The following MICAL2 variants were observed in gnomAD, a reference collection of about 807,000 sequenced individuals.
MICAL2 encodes the protein microtubule associated monooxygenase, calponin and LIM domain containing 2, also known as [F-actin]-monooxygenase MICAL2.
Under a neutral mutation model 127.3 loss-of-function variants are expected in MICAL2, and 77 were observed. That is an observed-to-expected ratio of 0.60 (90% CI 0.50 to 0.73). The LOEUF is 0.73. Among genes scored for constraint, MICAL2 ranks in the 30% least tolerant of loss-of-function variants. MICAL2 has a pLI of 0.00. For missense variants in MICAL2, 1,351 were observed against 1,434.4 expected, an observed-to-expected ratio of 0.94 and a Z score of 0.94; for synonymous variants, 570 against 551.1, an observed-to-expected ratio of 1.03 and a Z score of -0.48.
chr11:12,263,061 G>A (rs1863347345), intron 27 of MICAL2: 1 of 155,492 alleles, frequency 6.4e-6, no homozygotes, highest in Non-Finnish European at 1.4e-5. Context: ...CTCATCCCAA[G>A]CTTGACACAT....
chr11:12,170,933 GGA>G (rs1856173457), intron 3 of MICAL2, among the ~76,000 whole-genome samples: 2 of 152,218 alleles, frequency 1.3e-5, no homozygotes, highest in African/African-American at 4.8e-5. Flanking sequence ...CAGGGATAGA[GGA>G]GCGAACTCTG....
At chr11:12,183,790 T>A (rs905312826) in intron 3 of MICAL2, among the ~76,000 whole-genome samples, 2 of 152,170 alleles carry the variant, frequency 1.3e-5, no homozygotes, top group East Asian at 1.9e-4. Context: ...GACTTTTTTT[T>A]ATTTTTTTGA....
At chr11:12,304,757 T>C (rs987227488) in intron 29 of MICAL2, among the ~76,000 whole-genome samples, 13 of 152,116 alleles carry the variant, frequency 8.5e-5, no homozygotes, top group African/African-American at 3.1e-4. Flanking sequence ...GCAGTCTGTT[T>C]TGGGTCCTTC....
chr11:12,356,941 A>G (rs746163466), intron 34 of MICAL2, among the ~76,000 whole-genome samples: 3 of 152,246 alleles, frequency 2.0e-5, no homozygotes, highest in Admixed American at 6.5e-5. Flanking sequence ...GCAGGGCAAG[A>G]GTCCTTTGCC....
At chr11:12,113,752 A>G (rs957066919) in intron 1 of MICAL2, among the ~76,000 whole-genome samples, 1 of 152,206 alleles carries the variant, frequency 6.6e-6, no homozygotes, top group Non-Finnish European at 1.5e-5. Context: ...CTGTATGTAT[A>G]GAAAAAAACA....
At chr11:12,190,233 A>G (rs776233459) in intron 3 of MICAL2, among the ~76,000 whole-genome samples, 1 of 152,096 alleles carries the variant, frequency 6.6e-6, no homozygotes, top group Admixed American at 6.5e-5. Flanking sequence ...GAAGGCCTCA[A>G]AGTTCCTCTG....
At chr11:12,294,961 A>T, downstream of MICAL2, 1 of 1,351,496 alleles carries the variant, frequency 7.4e-7, no homozygotes, top group Non-Finnish European at 9.5e-7. Context: ...TGCTTCTCAA[A>T]TACTAACAAA....
rs556663399 is a variant in MICAL2, at chr11:12,164,645, A to G, written c.264+2226A>G. On this transcript the variant is annotated intron_variant, in intron 3 of 27. Transcript: ENST00000683283. ...CACATCTTTATAGCTCCATTCCAAA[A>G]GGCTGGAATCTGTCTCTTCCAGGTC... Among the ~76,000 whole-genome samples the G allele has an allele frequency of 3.2e-3, 488 of 152,292 alleles. 3 individuals carry two copies. The highest frequency in any genetic ancestry group is 0.011 in the African/African-American group (476 of 41,554).
rs553283721 is a variant in MICAL2 at position 12,158,647 on chromosome 11, G to C, written c.-77-3432G>C. 2.0e-5 allele frequency among the ~76,000 whole-genome samples: 3 copies of C among 152,264 alleles called. No homozygotes were observed. The East Asian group carries it at 5.8e-4, about 29-fold the overall frequency. On this transcript the variant is annotated intron_variant, in intron 2 of 27. Transcript: ENST00000683283. ...AATCTAGAGATGATTTAAAGTATACGAGAGAATGTGTGTAAGTTATATGCA... is the reference window on the plus strand; with the variant it reads ...AATCTAGAGATGATTTAAAGTATACCAGAGAATGTGTGTAAGTTATATGCA...
chr11:12,220,671 C>T (rs1283196587), intron 9 of MICAL2, among the ~76,000 whole-genome samples: 1 of 152,250 alleles, frequency 6.6e-6, no homozygotes, highest in Non-Finnish European at 1.5e-5. Context: ...AGAGCCTTCT[C>T]TCCTATCTCC....
chr11:12,284,364 G>A (rs1003628328), intron 2 of MICAL2, among the ~76,000 whole-genome samples: 7 of 152,046 alleles, frequency 4.6e-5, no homozygotes, highest in Non-Finnish European at 7.4e-5. Flanking sequence ...ATCTCTGAAA[G>A]TGCTCCTTTA....
chr11:12,157,956 C>G (rs1171945629), intron 2 of MICAL2, among the ~76,000 whole-genome samples: 1 of 151,832 alleles, frequency 6.6e-6, no homozygotes, highest in Non-Finnish European at 1.5e-5. Flanking sequence ...ATGAGTTGTC[C>G]AAGTCTACAC....
At chr11:12,124,342 C>T (rs1403039139) in intron 1 of MICAL2, among the ~76,000 whole-genome samples, 1 of 152,200 alleles carries the variant, frequency 6.6e-6, no homozygotes, top group Non-Finnish European at 1.5e-5. Flanking sequence ...GTGATTGAAG[C>T]CGCCCCTAGC....
At chr11:12,352,167 G>A (rs1310720056) in intron 33 of MICAL2, among the ~76,000 whole-genome samples, 1 of 152,182 alleles carries the variant, frequency 6.6e-6, no homozygotes, top group Non-Finnish European at 1.5e-5. Flanking sequence ...TGACTACAAA[G>A]CCCTTTTTAT....
At chr11:12,157,217 G>T (rs1303517034) in intron 2 of MICAL2, among the ~76,000 whole-genome samples, 1 of 152,184 alleles carries the variant, frequency 6.6e-6, no homozygotes, top group Admixed American at 6.5e-5. Flanking sequence ...AAGAGGCTCA[G>T]GGAAGGCAAG....
At chr11:12,252,978 G>A (rs949893908) in intron 22 of MICAL2, 1 of 152,166 alleles carries the variant, frequency 6.6e-6, no homozygotes, top group East Asian at 1.9e-4. Flanking sequence ...CTCACTCTAC[G>A]ATCCTGGGAT....
intron 34 of MICAL2, among the ~76,000 whole-genome samples, chr11:12,355,420 A>G (rs1939115153): frequency 2.0e-5 from 3 of 152,232 alleles, no homozygotes; most frequent in Admixed American, 6.5e-5. Context: ...GATAAACTCA[A>G]CTGACACAGT....
At chr11:12,329,335 A>G (rs955688070) in intron 32 of MICAL2, among the ~76,000 whole-genome samples, 1 of 152,184 alleles carries the variant, frequency 6.6e-6, no homozygotes, top group African/African-American at 2.4e-5. Flanking sequence ...GTGCTTGGTC[A>G]TATTCCCAGT....
At chr11:12,151,729 G>T (rs114559323) in intron 2 of MICAL2, among the ~76,000 whole-genome samples, 207 of 152,238 alleles carry the variant, frequency 1.4e-3, no homozygotes, top group African/African-American at 4.9e-3. Flanking sequence ...ATTCTTATGG[G>T]TCGGTCTTAG....
Sources: gnomAD v4.1 joint callset for allele counts (sites outside exome capture counted in the v4.1 genomes callset) on GRCh38, gnomAD v4.1.1 for gene constraint, MANE v1.5 for transcripts, NCBI Gene and HGNC (gene_info 2026-07-23, HGNC 2026-07-21) for gene names.